The following CACNA2D3 variants were observed in gnomAD, a reference collection of about 807,000 sequenced individuals.
CACNA2D3 encodes the protein voltage-dependent calcium channel subunit alpha-2/delta-3.
A neutral mutation model predicts 160.6 loss-of-function variants in CACNA2D3; 60 were observed. The observed-to-expected ratio is 0.37, with a 90% CI of 0.30 to 0.46. The LOEUF (loss-of-function observed/expected upper bound fraction) is 0.46. CACNA2D3 is among the 20% of genes least tolerant of loss of function. The probability of loss-of-function intolerance (pLI) is 1.00; values close to 1 mark genes in which losing one functional copy is unlikely to be tolerated. For synonymous variants in CACNA2D3, 558 were observed against 492.9 expected (o/e 1.13, Z -1.75); for missense variants, 1,205 against 1,365.0 (o/e 0.88, Z 1.85).
intron 9 of CACNA2D3, 147 bp downstream of exon 9, chr3:54,582,024 C>A: frequency 1.6e-6 from 1 of 608,500 alleles, no homozygotes; most frequent in South Asian, 2.3e-5. Context: ...TTATTAAGAG[C>A]ACAAAGAAAA....
chr3:55,035,363 CA>C (rs1703790289), intron 35 of CACNA2D3, among the ~76,000 whole-genome samples: 1 of 152,066 alleles, frequency 6.6e-6, no homozygotes, highest in African/African-American at 2.4e-5. Context: ...GAGGGAGTTG[CA>C]GAAAAACGAG....
intron 13 of CACNA2D3, among the ~76,000 whole-genome samples, chr3:54,796,457 C>G (rs1394782055): frequency 6.6e-6 from 1 of 152,158 alleles, no homozygotes; most frequent in East Asian, 1.9e-4. Context: ...ACAAAGAGAA[C>G]TAATATCAGG....
At chr3:54,681,779 A>G (rs538927228) in intron 11 of CACNA2D3, among the ~76,000 whole-genome samples, 175 of 152,186 alleles carry the variant, frequency 1.1e-3, no homozygotes, top group Non-Finnish European at 2.2e-3. Flanking sequence ...CCTGGGGTCA[A>G]GTGATTCTCA....
At chr3:54,648,926 AG>A (rs1699704749) in intron 11 of CACNA2D3, among the ~76,000 whole-genome samples, 1 of 152,198 alleles carries the variant, frequency 6.6e-6, no homozygotes, top group Non-Finnish European at 1.5e-5. Context: ...GGCAGCACCA[AG>A]CCAATCATGG....
intron 35 of CACNA2D3, among the ~76,000 whole-genome samples, chr3:55,072,093 G>A (rs193230047): frequency 1.3e-5 from 2 of 152,212 alleles, no homozygotes; most frequent in African/African-American, 4.8e-5. Flanking sequence ...AGATATAGAT[G>A]AAATTAATTA....
chr3:54,866,304 G>C (rs947232859), intron 17 of CACNA2D3, among the ~76,000 whole-genome samples: 2 of 152,182 alleles, frequency 1.3e-5, no homozygotes, highest in Non-Finnish European at 2.9e-5. Context: ...GGAGTAAGGC[G>C]TACCTACATC....
chr3:54,660,655 T>C (rs548016330), intron 11 of CACNA2D3, among the ~76,000 whole-genome samples: 2 of 152,296 alleles, frequency 1.3e-5, no homozygotes, highest in Non-Finnish European at 2.9e-5. Context: ...TCTGCCCTAC[T>C]TACCTTACCT....
At chr3:54,347,919 G>A (rs1283431083) in intron 3 of CACNA2D3, among the ~76,000 whole-genome samples, 1 of 152,054 alleles carries the variant, frequency 6.6e-6, no homozygotes, top group Non-Finnish European at 1.5e-5. Context: ...CCTAATAAAT[G>A]TTTATTTAAT....
At chr3:55,042,127 T>A (rs1039716834) in intron 35 of CACNA2D3, among the ~76,000 whole-genome samples, 1 of 152,128 alleles carries the variant, frequency 6.6e-6, no homozygotes, top group Non-Finnish European at 1.5e-5. Flanking sequence ...TATTTGGTAG[T>A]TGTTAGTTGA....
At chr3:55,059,483 C>A (rs1455240625) in intron 35 of CACNA2D3, among the ~76,000 whole-genome samples, 1 of 152,186 alleles carries the variant, frequency 6.6e-6, no homozygotes, top group African/African-American at 2.4e-5. Flanking sequence ...TGCTCAAACC[C>A]CTTATGGGAT....
At chr3:54,885,693 G>T in intron 23 of CACNA2D3, 107 bp downstream of exon 23, 1 of 740,834 alleles carries the variant, frequency 1.3e-6, no homozygotes, top group Non-Finnish European at 2.4e-6. Flanking sequence ...CTTTGGCAGA[G>T]ATTATCAGTC....
At chr3:54,578,342 G>A (rs1702620290) in intron 8 of CACNA2D3, among the ~76,000 whole-genome samples, 3 of 152,212 alleles carry the variant, frequency 2.0e-5, no homozygotes, top group African/African-American at 7.2e-5. Context: ...ATCTTGAGTT[G>A]TAAATATATA....
intron 2 of CACNA2D3, among the ~76,000 whole-genome samples, chr3:54,135,229 CTG>C (rs1177441652): frequency 2.0e-5 from 3 of 152,122 alleles, no homozygotes; most frequent in Non-Finnish European, 4.4e-5. Context: ...ATTTCTGAGT[CTG>C]TGCTTTGAAG....
intron 14 of CACNA2D3, among the ~76,000 whole-genome samples, chr3:54,820,611 T>C (rs902246915): frequency 1.3e-5 from 2 of 152,156 alleles, no homozygotes; most frequent in Non-Finnish European, 2.9e-5. Context: ...CTAAAAAATA[T>C]GTAGCAATAC....
Position 55,039,234 on chromosome 3 carries a change from G to T in CACNA2D3, c.2987+20917G>T, listed in dbSNP as rs73845259. ...AGTGAGTCCCATGCCAGGACTTTAT[G>T]ATGTTCATCTTCAGAAAATGCCCCA... On this transcript the variant is annotated intron_variant, in intron 35 of 37. Transcript: ENST00000474759. Among the ~76,000 whole-genome samples, 1,382 of 152,158 alleles carry T rather than the reference G, an allele frequency of 9.1e-3. 20 individuals are homozygous for T. The highest frequency in any genetic ancestry group is 0.032 in the African/African-American group (1,312 of 41,514).
intron 2 of CACNA2D3, among the ~76,000 whole-genome samples, chr3:54,229,371 G>A (rs1317715957): frequency 1.3e-5 from 2 of 151,700 alleles, no homozygotes; most frequent in Non-Finnish European, 1.5e-5. Flanking sequence ...TTTGTATTTT[G>A]TTTAGTAGAG....
intron 11 of CACNA2D3, among the ~76,000 whole-genome samples, chr3:54,704,390 C>G (rs988557053): frequency 2.0e-5 from 3 of 152,118 alleles, no homozygotes; most frequent in African/African-American, 7.2e-5. Flanking sequence ...CAGCTAAAAC[C>G]TTCTATTGGG....
chr3:54,365,867 A>G (rs1698820068), intron 3 of CACNA2D3, among the ~76,000 whole-genome samples: 1 of 152,246 alleles, frequency 6.6e-6, no homozygotes, highest in Non-Finnish European at 1.5e-5. Flanking sequence ...ATCTCAAAAT[A>G]AATAAAATAA....
chr3:54,924,743 C>G (rs1459011910), intron 27 of CACNA2D3: 1 of 1,614,152 alleles, frequency 6.2e-7, no homozygotes, highest in Admixed American at 1.7e-5. Context: ...CTCGATCAAG[C>G]TGCTGAAGCT....
Sources: gnomAD v4.1 joint callset for allele counts (sites outside exome capture counted in the v4.1 genomes callset) on GRCh38, gnomAD v4.1.1 for gene constraint, MANE v1.5 for transcripts, NCBI Gene and HGNC (gene_info 2026-07-23, HGNC 2026-07-21) for gene names.